ERC2: variants seen among roughly 807,000 people sequenced by gnomAD.
The protein encoded by ERC2 is ELKS/RAB6-interacting/CAST family member 2.
In ERC2, 42 loss-of-function variants were observed where a neutral mutation model predicts 114.8. That is an observed-to-expected ratio of 0.37 (90% confidence interval 0.29 to 0.47). The LOEUF (loss-of-function observed/expected upper bound fraction) is 0.47. Ranked by LOEUF, ERC2 falls within the 20% of genes least tolerant of loss-of-function variation. The probability of loss-of-function intolerance (pLI) is 0.99; values close to 1 mark genes in which losing one functional copy is unlikely to be tolerated. For synonymous variants in ERC2, 454 were observed against 425.5 expected (o/e 1.07, Z -0.82); for missense variants, 939 against 1,150.7 (o/e 0.82, Z 2.66).
At chr3:55,720,148 CTTCTTCTTCT>C (rs2064403173) in intron 15 of ERC2, among the ~76,000 whole-genome samples, 1 of 2,980 alleles carries the variant, frequency 3.4e-4, no homozygotes, top group Non-Finnish European at 5.1e-4. Context: ...TCTTCCTCTT[CTTCTTCTTCT>C]TCTTCTTCTT....
chr3:55,658,124 T>C (rs951625947), intron 17 of ERC2: 1 of 152,216 alleles, frequency 6.6e-6, no homozygotes, highest in African/African-American at 2.4e-5. Flanking sequence ...AGGACTAGTC[T>C]GGCTTTGGGC....
chr3:56,032,293 A>C (rs1016965328), intron 7 of ERC2, among the ~76,000 whole-genome samples: 27 of 152,222 alleles, frequency 1.8e-4, no homozygotes, highest in Admixed American at 6.5e-5. Context: ...AAACTTCAAC[A>C]GGAGATTTAA....
At chr3:55,543,748 C>T (rs914833842) in intron 17 of ERC2, among the ~76,000 whole-genome samples, 2 of 152,058 alleles carry the variant, frequency 1.3e-5, no homozygotes, top group Non-Finnish European at 2.9e-5. Flanking sequence ...TCTCCTCGTT[C>T]CTGCTGCGCT....
intron 3 of ERC2, among the ~76,000 whole-genome samples, chr3:56,277,354 C>A (rs1191069477): frequency 6.6e-6 from 1 of 152,226 alleles, no homozygotes; most frequent in South Asian, 2.1e-4. Context: ...CTTATAAATG[C>A]TTCCCAAACC....
chr3:55,555,648 G>C (rs1256784929), intron 17 of ERC2, among the ~76,000 whole-genome samples: 1 of 152,192 alleles, frequency 6.6e-6, no homozygotes, highest in African/African-American at 2.4e-5. Context: ...TTTCTGTCTT[G>C]GGTTCTTCAA....
At chr3:55,978,281 A>T (rs1371284149) in intron 12 of ERC2, among the ~76,000 whole-genome samples, 1 of 152,146 alleles carries the variant, frequency 6.6e-6, no homozygotes, top group Non-Finnish European at 1.5e-5. Flanking sequence ...ACAAACAAGG[A>T]TTGTATGAAT....
At chr3:55,539,524 A>G (rs2054247684) in intron 17 of ERC2, among the ~76,000 whole-genome samples, 1 of 139,004 alleles carries the variant, frequency 7.2e-6, no homozygotes. Context: ...CCAGGTTCAC[A>G]CCATTCTCCT....
intron 13 of ERC2, among the ~76,000 whole-genome samples, chr3:55,949,096 G>A (rs956082726): frequency 2.6e-4 from 39 of 151,970 alleles, no homozygotes; most frequent in Admixed American, 2.2e-3. Flanking sequence ...CTGGACAGGC[G>A]CAGTGGTTCA....
intron 2 of ERC2, among the ~76,000 whole-genome samples, chr3:56,393,447 A>G (rs1423347443): frequency 3.9e-5 from 6 of 152,170 alleles, no homozygotes; most frequent in African/African-American, 1.4e-4. Flanking sequence ...CCTTCACTGT[A>G]TCCTACACAG....
chr3:55,974,244 C>G (rs756958574), intron 12 of ERC2, among the ~76,000 whole-genome samples: 1 of 152,170 alleles, frequency 6.6e-6, no homozygotes, highest in Admixed American at 6.5e-5. Context: ...GAGGAAGGAA[C>G]GATTCCACAG....
intron 2 of ERC2, among the ~76,000 whole-genome samples, chr3:56,371,947 G>C (rs113872162): frequency 2.0e-5 from 3 of 152,208 alleles, no homozygotes; most frequent in Non-Finnish European, 2.9e-5. Context: ...GCACTAAGGA[G>C]CCTCTGTGCC....
chr3:55,719,659 T>TA (rs1481467329), intron 15 of ERC2, among the ~76,000 whole-genome samples: 2 of 152,100 alleles, frequency 1.3e-5, no homozygotes, highest in Non-Finnish European at 2.9e-5. Flanking sequence ...CAGCAACACT[T>TA]AAGTGTCTGG....
intron 17 of ERC2, among the ~76,000 whole-genome samples, chr3:55,610,268 G>A (rs962751346): frequency 1.3e-5 from 2 of 151,684 alleles, no homozygotes; most frequent in African/African-American, 4.8e-5. Flanking sequence ...AAATAACCAG[G>A]GATGGGGGCC....
chr3:56,070,536 T>C (rs1356993049), intron 7 of ERC2, among the ~76,000 whole-genome samples: 1 of 152,152 alleles, frequency 6.6e-6, no homozygotes, highest in Non-Finnish European at 1.5e-5. Flanking sequence ...GAAGCAAATA[T>C]TTATTTAAAA....
chr3:56,306,139 G>C (rs546297876), intron 2 of ERC2, among the ~76,000 whole-genome samples: 1 of 152,118 alleles, frequency 6.6e-6, no homozygotes, highest in Non-Finnish European at 1.5e-5. Flanking sequence ...GTGAGCCACG[G>C]CTCCCAGCCT....
chr3:55,764,421 G>T (rs2067642793), intron 14 of ERC2, among the ~76,000 whole-genome samples: 1 of 152,120 alleles, frequency 6.6e-6, no homozygotes, highest in Non-Finnish European at 1.5e-5. Flanking sequence ...TTTTACCTTG[G>T]ACTGTGCACA....
chr3:56,448,798 G>A (rs892752430), intron 1 of ERC2, among the ~76,000 whole-genome samples: 6 of 152,048 alleles, frequency 3.9e-5, no homozygotes, highest in South Asian at 4.1e-4. Flanking sequence ...GTAGTTGGCC[G>A]GGCGCGGTGG....
chr3:55,674,955 C>A (rs1385342158), intron 17 of ERC2, among the ~76,000 whole-genome samples: 2 of 152,186 alleles, frequency 1.3e-5, no homozygotes, highest in Non-Finnish European at 2.9e-5. Context: ...GGCAAGGAGT[C>A]TCCTTATAAA....
At chr3:55,866,665 T>C (rs2062330849) in intron 14 of ERC2, among the ~76,000 whole-genome samples, 1 of 152,192 alleles carries the variant, frequency 6.6e-6, no homozygotes, top group Admixed American at 6.5e-5. Flanking sequence ...GCCCTGTACA[T>C]AGCTTAGAGT....
Sources: allele counts gnomAD v4.1 joint callset (sites outside exome capture counted in the v4.1 genomes callset), GRCh38; gene constraint gnomAD v4.1.1; transcripts MANE v1.5; gene names NCBI Gene and HGNC (gene_info 2026-07-23, HGNC 2026-07-21).